Variants in PHKA1 observed in about 807,000 individuals in gnomAD.
PHKA1 encodes phosphorylase b kinase regulatory subunit alpha, skeletal muscle isoform.
Under a neutral mutation model 110.2 loss-of-function variants are expected in PHKA1, and 60 were observed. That is an observed-to-expected ratio of 0.54 (90% CI 0.44 to 0.68). The LOEUF (loss-of-function observed/expected upper bound fraction) is 0.68. Ranked by LOEUF, PHKA1 falls within the 30% of genes least tolerant of loss-of-function variation. PHKA1 has a pLI of 0.00. For missense variants in PHKA1, 801 were observed against 942.5 expected, an observed-to-expected ratio of 0.85 and a Z score of 1.97; for synonymous variants, 316 against 333.6, an observed-to-expected ratio of 0.95 and a Z score of 0.58.
intron 14 of PHKA1, among the ~76,000 whole-genome samples, chrX:72,641,757 G>A (rs1292300116): frequency 3.6e-5 from 4 of 111,337 alleles, no homozygotes; most frequent in African/African-American, 1.3e-4. Context: ...GTCATTTGAC[G>A]TACCCTTAGG....
At chrX:72,675,436 T>G (rs2053767588) in intron 6 of PHKA1, among the ~76,000 whole-genome samples, 1 of 111,044 alleles carries the variant, frequency 9.0e-6, no homozygotes, top group South Asian at 3.7e-4. Context: ...ATTAGAGCTC[T>G]TATAGACAGC....
intron 22 of PHKA1, among the ~76,000 whole-genome samples, chrX:72,610,200 C>T (rs143135857): frequency 0.011 from 1,207 of 110,793 alleles, 21 homozygotes; most frequent in African/African-American, 0.038. Context: ...ATTGTGACAC[C>T]AAATACTAGA....
At chrX:72,674,678 T>C (rs1400416479) in intron 6 of PHKA1, among the ~76,000 whole-genome samples, 1 of 111,976 alleles carries the variant, frequency 8.9e-6, no homozygotes, top group African/African-American at 3.3e-5. Flanking sequence ...GGTTCCACTT[T>C]GAGGAATTTT....
intron 16 of PHKA1, among the ~76,000 whole-genome samples, chrX:72,631,663 A>G (rs2053168025): frequency 9.2e-6 from 1 of 108,556 alleles, no homozygotes; most frequent in Admixed American, 9.9e-5. Context: ...CTTCCAGTCC[A>G]GGACATATAA....
At position 72,580,951 on chromosome X, in the gene PHKA1, G is replaced by A. The variant is rs891748335; in HGVS notation, c.*51C>T. 1.2e-5 allele frequency: 13 copies of A among 1,099,768 alleles called. No individual in the cohort carries two copies. The highest frequency in any genetic ancestry group is 6.8e-5 in the Admixed American group (3 of 44,320). The allele number at this position is 1,099,768 out of a possible 1,213,427, so 90.6% of individuals were successfully genotyped here. ...ATTTTAGTTCCATGCACAATCAACCGAGGCAGGGACCAGCTGTCAAAAGGC... is the reference window on the plus strand; with the variant it reads ...ATTTTAGTTCCATGCACAATCAACCAAGGCAGGGACCAGCTGTCAAAAGGC... On this transcript the variant is annotated 3_prime_UTR_variant, in exon 32 of 32. Coordinates refer to ENST00000373542, the MANE Select transcript of PHKA1 (RefSeq NM_002637.4).
intron 29 of PHKA1, among the ~76,000 whole-genome samples, chrX:72,591,772 T>C (rs782323822): frequency 1.8e-5 from 2 of 112,247 alleles, no homozygotes; most frequent in East Asian, 5.6e-4. Flanking sequence ...CAATTTTAAT[T>C]ACTGTACACT....
chrX:72,649,765 A>G (rs1286872165), intron 13 of PHKA1, among the ~76,000 whole-genome samples: 2 of 110,963 alleles, frequency 1.8e-5, no homozygotes, highest in Admixed American at 1.9e-4. Context: ...AGGCCGAGAC[A>G]GGCAGATCAC....
rs1311343427 is a variant in PHKA1, at chrX:72,580,843, A to G, written c.*159T>C. 1.6e-5 allele frequency: 8 copies of G among 506,585 alleles called. No individual in the cohort carries two copies. Among genetic ancestry groups the G allele is most frequent in the Non-Finnish European group, 2.4e-5 (7 of 286,578 alleles). The allele number at this position is 506,585 out of a possible 1,213,427, so 41.7% of individuals were successfully genotyped here. On this transcript the variant is annotated 3_prime_UTR_variant, in exon 32 of 32. Coordinates refer to ENST00000373542, the MANE Select transcript of PHKA1 (RefSeq NM_002637.4). Reference sequence around the variant, plus strand: ...CCAGGTAAGTGTTCACTTCTTCTACAGTAGTTAGTTTATCGAAAAAGTTCT... The same window carrying G: ...CCAGGTAAGTGTTCACTTCTTCTACGGTAGTTAGTTTATCGAAAAAGTTCT...
At position 72,630,925 on chromosome X, in the gene PHKA1, G is replaced by A. The variant is rs982249373; in HGVS notation, c.1715-3876C>T. 3.4e-4 allele frequency among the ~76,000 whole-genome samples: 36 copies of A among 106,929 alleles called. 1 individual carries two copies. In the Admixed American group the frequency reaches 3.4e-3, roughly 10 times the overall value. The allele number at this position is 106,929 out of a possible 115,157, so 92.9% of individuals were successfully genotyped here. On this transcript the variant is annotated intron_variant, in intron 16 of 31. Transcript: ENST00000373542. ...AACATGAATGTTAGATCTTTTTAAC[G>A]TGAATGTTAAAAAATGTTAAATCTT...
chrX:72,639,925 G>C (rs782300173), intron 14 of PHKA1, among the ~76,000 whole-genome samples: 5 of 111,993 alleles, frequency 4.5e-5, no homozygotes, highest in Non-Finnish European at 7.5e-5. Context: ...AAATTATAAA[G>C]GTGGAACTTC....
intron 19 of PHKA1, 146 bp from the exon 20 acceptor site, chrX:72,619,451 G>A (rs1237541367): frequency 2.3e-6 from 1 of 439,376 alleles, no homozygotes; most frequent in African/African-American, 2.5e-5. Context: ...TAATATCAAA[G>A]AAAATAAATA....
At chrX:72,614,431 T>A (rs1173505701) in intron 21 of PHKA1, among the ~76,000 whole-genome samples, 2 of 111,957 alleles carry the variant, frequency 1.8e-5, no homozygotes, top group Non-Finnish European at 3.8e-5. Flanking sequence ...AAAAGTGCTA[T>A]GAGATCTCAG....
At chrX:72,585,106 T>G (rs1464821820) in intron 29 of PHKA1, among the ~76,000 whole-genome samples, 1 of 110,947 alleles carries the variant, frequency 9.0e-6, no homozygotes, top group Non-Finnish European at 1.9e-5. Flanking sequence ...TCCAAAAATG[T>G]GTAAGAAATT....
rs5958768 is a variant in PHKA1, at chrX:72,599,351, G to A, written c.3072+2640C>T. 4.5e-3 allele frequency among the ~76,000 whole-genome samples: 505 copies of A among 111,506 alleles called. 1 individual carries two copies. Among genetic ancestry groups the A allele is most frequent in the African/African-American group, 0.016 (490 of 30,701 alleles). On this transcript the variant is annotated intron_variant, in intron 28 of 31. Transcript: ENST00000373542. Reference sequence around the variant, plus strand: ...AGAGGTCAGTCCTCCTAAATTGTAAGCTTCACGAGGGCAAAGACCACATCC... The same window carrying A: ...AGAGGTCAGTCCTCCTAAATTGTAAACTTCACGAGGGCAAAGACCACATCC...
intron 16 of PHKA1, among the ~76,000 whole-genome samples, chrX:72,630,620 T>C (rs993553469): frequency 3.4e-4 from 38 of 110,867 alleles, no homozygotes; most frequent in African/African-American, 1.2e-3. Flanking sequence ...GTCACTTCCC[T>C]CTGGTGTCCA....
At chrX:72,680,830 C>A (rs1556314321) in intron 5 of PHKA1, among the ~76,000 whole-genome samples, 1 of 80,826 alleles carries the variant, frequency 1.2e-5, no homozygotes, top group Non-Finnish European at 2.3e-5. Flanking sequence ...CGGCGAGCGC[C>A]GCCCGGGAGG....
intron 16 of PHKA1, among the ~76,000 whole-genome samples, chrX:72,628,603 T>G (rs1556284773): frequency 9.5e-6 from 1 of 104,985 alleles, no homozygotes; most frequent in African/African-American, 3.4e-5. Flanking sequence ...TATATTTTTT[T>G]TTTTCAAATG....
At chrX:72,616,082 G>A (rs1179628729) in intron 21 of PHKA1, among the ~76,000 whole-genome samples, 1 of 111,676 alleles carries the variant, frequency 9.0e-6, no homozygotes, top group Non-Finnish European at 1.9e-5. Context: ...CAGACTTTCA[G>A]GGCCAGGTGC....
intron 8 of PHKA1, among the ~76,000 whole-genome samples, chrX:72,658,330 G>T (rs984633773): frequency 2.7e-5 from 3 of 109,641 alleles, no homozygotes; most frequent in Admixed American, 9.7e-5. Flanking sequence ...GTGGTGGCAC[G>T]TGACCGTAGT....
Sources: allele counts gnomAD v4.1 joint callset (sites outside exome capture counted in the v4.1 genomes callset), GRCh38; gene constraint gnomAD v4.1.1; transcripts MANE v1.5; gene names NCBI Gene and HGNC (gene_info 2026-07-23, HGNC 2026-07-21).